The following PALM2AKAP2 variants were observed in gnomAD, a reference collection of about 807,000 sequenced individuals.
PALM2AKAP2 encodes PALM2-AKAP2 fusion protein.
In PALM2AKAP2, 37 loss-of-function variants were observed where a neutral mutation model predicts 71.5. That is an observed-to-expected ratio of 0.52 (90% CI 0.40 to 0.68). The LOEUF is 0.68. Among genes scored for constraint, PALM2AKAP2 ranks in the 30% least tolerant of loss-of-function variants. The pLI is 0.00. For synonymous variants in PALM2AKAP2, 468 were observed against 478.8 expected (o/e 0.98, Z 0.29); for missense variants, 1,224 against 1,191.8 (o/e 1.03, Z -0.40).
intron 1 of PALM2AKAP2, among the ~76,000 whole-genome samples, chr9:109,764,068 C>A (rs1829105170): frequency 6.6e-6 from 1 of 152,174 alleles, no homozygotes; most frequent in Admixed American, 6.5e-5. Flanking sequence ...GTACAGTCAT[C>A]ATAGTTATTA....
At chr9:110,058,572 A>G (rs954022023) in intron 1 of PALM2AKAP2, among the ~76,000 whole-genome samples, 1 of 152,158 alleles carries the variant, frequency 6.6e-6, no homozygotes, top group Non-Finnish European at 1.5e-5. Flanking sequence ...CAAATAATGA[A>G]TAATTGGTAA....
At chr9:109,941,190 G>A (rs544403592) in intron 6 of PALM2AKAP2, among the ~76,000 whole-genome samples, 3 of 119,058 alleles carry the variant, frequency 2.5e-5, no homozygotes, top group Admixed American at 2.2e-4. Context: ...CCCTTTACAA[G>A]TGTAAAACCA....
intron 1 of PALM2AKAP2, among the ~76,000 whole-genome samples, chr9:109,661,446 T>C (rs758222249): frequency 6.6e-6 from 1 of 152,226 alleles, no homozygotes; most frequent in Non-Finnish European, 1.5e-5. Context: ...CTTGTTTTTG[T>C]CAGGTTTGTC....
At chr9:109,815,088 G>T (rs990587514) in intron 1 of PALM2AKAP2, among the ~76,000 whole-genome samples, 7 of 152,194 alleles carry the variant, frequency 4.6e-5, no homozygotes, top group Admixed American at 2.0e-4. Flanking sequence ...TGACATGAGA[G>T]AGTGGCTGTG....
chr9:110,157,899 A>C (rs1208630009), intron 3 of PALM2AKAP2, among the ~76,000 whole-genome samples: 1 of 152,250 alleles, frequency 6.6e-6, no homozygotes, highest in East Asian at 1.9e-4. Context: ...TAAAGAAAGG[A>C]AGAAAGCAAA....
chr9:110,113,392 C>A (rs1185209081), intron 1 of PALM2AKAP2, among the ~76,000 whole-genome samples: 1 of 151,948 alleles, frequency 6.6e-6, no homozygotes, highest in African/African-American at 2.4e-5. Flanking sequence ...GCGTGCACCA[C>A]CATGCCCAGC....
At chr9:110,091,603 T>C (rs557035082) in intron 1 of PALM2AKAP2, among the ~76,000 whole-genome samples, 150 of 151,580 alleles carry the variant, frequency 9.9e-4, no homozygotes, top group Middle Eastern at 3.4e-3. Flanking sequence ...GCTGGGACTA[T>C]AGGCGCCTGC....
intron 1 of PALM2AKAP2, among the ~76,000 whole-genome samples, chr9:109,652,136 T>C (rs1208674131): frequency 6.6e-6 from 1 of 152,196 alleles, no homozygotes; most frequent in Non-Finnish European, 1.5e-5. Flanking sequence ...AAGTTCTGAA[T>C]AAATGGGTTA....
intron 1 of PALM2AKAP2, among the ~76,000 whole-genome samples, chr9:109,668,593 A>T (rs765691454): frequency 8.5e-5 from 13 of 152,158 alleles, no homozygotes; most frequent in Non-Finnish European, 1.9e-4. Context: ...GATACATAAA[A>T]GGAAAATCCA....
At chr9:109,746,967 T>C (rs942253526) in intron 1 of PALM2AKAP2, among the ~76,000 whole-genome samples, 6 of 152,076 alleles carry the variant, frequency 3.9e-5, no homozygotes, top group African/African-American at 1.4e-4. Context: ...GAGAAAGGCA[T>C]GGAGTAGAGA....
chr9:109,830,172 C>T (rs753469361), intron 1 of PALM2AKAP2, among the ~76,000 whole-genome samples: 8 of 152,174 alleles, frequency 5.3e-5, no homozygotes, highest in African/African-American at 1.2e-4. Flanking sequence ...CCTGCATGGA[C>T]TCTTTGTGAG....
chr9:110,101,629 G>A (rs144704331), intron 1 of PALM2AKAP2, among the ~76,000 whole-genome samples: 1 of 152,208 alleles, frequency 6.6e-6, no homozygotes, highest in East Asian at 1.9e-4. Flanking sequence ...AACAGCGGCC[G>A]CCTTTTTTCA....
At chr9:110,034,246 C>G (rs140427538) in intron 7 of PALM2AKAP2, among the ~76,000 whole-genome samples, 4 of 151,966 alleles carry the variant, frequency 2.6e-5, no homozygotes, top group Non-Finnish European at 4.4e-5. Context: ...CAACCTCTGC[C>G]TCCTGGGCTC....
At chr9:110,005,885 T>G (rs28877118) in intron 6 of PALM2AKAP2, among the ~76,000 whole-genome samples, 1 of 152,106 alleles carries the variant, frequency 6.6e-6, no homozygotes, top group African/African-American at 2.4e-5. Context: ...AAGTGCAGTA[T>G]TAGGGTGGGA....
intron 1 of PALM2AKAP2, among the ~76,000 whole-genome samples, chr9:109,667,663 C>T (rs1827508055): frequency 6.6e-6 from 1 of 152,080 alleles, no homozygotes; most frequent in Non-Finnish European, 1.5e-5. Context: ...CATGGTGGCA[C>T]ACACCTGTAA....
intron 2 of PALM2AKAP2, 35 bp downstream of exon 8, chr9:110,138,574 A>G: frequency 1.3e-6 from 2 of 1,533,780 alleles, no homozygotes; most frequent in Non-Finnish European, 1.7e-6. Context: ...GACAGATGCC[A>G]CAGCAGTCTG....
intron 2 of PALM2AKAP2, among the ~76,000 whole-genome samples, chr9:110,142,335 C>T (rs891511763): frequency 4.6e-5 from 7 of 152,150 alleles, no homozygotes; most frequent in South Asian, 2.1e-4. Context: ...TCAGGTGATC[C>T]GCCCGCCTTG....
At chr9:109,783,003 G>C (rs1226824702) in intron 1 of PALM2AKAP2, among the ~76,000 whole-genome samples, 2 of 152,128 alleles carry the variant, frequency 1.3e-5, no homozygotes, top group Non-Finnish European at 2.9e-5. Flanking sequence ...CTCTGGAGAT[G>C]TGAGGGAAGA....
chr9:109,902,186 C>A (rs535691389), intron 3 of PALM2AKAP2, among the ~76,000 whole-genome samples: 1 of 152,214 alleles, frequency 6.6e-6, no homozygotes, highest in Non-Finnish European at 1.5e-5. Flanking sequence ...CTACTTCACC[C>A]ATCTGCAAAG....
Sources: gnomAD v4.1 joint callset for allele counts (sites outside exome capture counted in the v4.1 genomes callset) on GRCh38, gnomAD v4.1.1 for gene constraint, MANE v1.5 for transcripts, NCBI Gene and HGNC (gene_info 2026-07-23, HGNC 2026-07-21) for gene names.